TBC1D2B: variants seen among roughly 807,000 people sequenced by gnomAD.
The protein encoded by TBC1D2B is TBC1 domain family, member 2B.
Under a neutral mutation model 100.8 loss-of-function variants are expected in TBC1D2B, and 64 were observed. The ratio of observed to expected loss-of-function variants is 0.64; its 90% confidence interval spans 0.52 to 0.78. The LOEUF (loss-of-function observed/expected upper bound fraction) is 0.78. Among genes scored for constraint, TBC1D2B ranks in the 30% least tolerant of loss-of-function variants. The probability of loss-of-function intolerance (pLI) is 0.00; values close to 1 mark genes in which losing one functional copy is unlikely to be tolerated. For synonymous variants in TBC1D2B, 480 were observed against 479.7 expected, an observed-to-expected ratio of 1.00 and a Z score of -0.01; for missense variants, 1,052 against 1,218.4, an observed-to-expected ratio of 0.86 and a Z score of 2.03.
chr15:78,063,720 C>T (rs755325653), intron 1 of TBC1D2B, among the ~76,000 whole-genome samples: 1 of 152,166 alleles, frequency 6.6e-6, no homozygotes, highest in Non-Finnish European at 1.5e-5. Flanking sequence ...CAACACCACA[C>T]ACAAGCAAAT....
intron 2 of TBC1D2B, among the ~76,000 whole-genome samples, chr15:78,046,354 T>A (rs1425906651): frequency 1.3e-5 from 2 of 152,240 alleles, no homozygotes; most frequent in South Asian, 2.1e-4. Flanking sequence ...TAGGACATGC[T>A]TATAAACAGA....
At position 78,067,129 on chromosome 15, in the gene TBC1D2B, C is replaced by T. The variant is rs1319166425; in HGVS notation, c.360+10164G>A. Among the ~76,000 whole-genome samples the T allele has an allele frequency of 2.0e-5, 3 of 152,178 alleles. 1 individual carries two copies. Among genetic ancestry groups the T allele is most frequent in the Admixed American group, 2.0e-4 (3 of 15,272 alleles). ...TGCTGGGTTTAAAATGGTAAAATAT[C>T]GTTCATGTGTTTGGAGAAGGAGAAG... On this transcript the variant is annotated intron_variant, in intron 1 of 12. Coordinates refer to ENST00000300584, the MANE Select transcript of TBC1D2B (RefSeq NM_144572.2).
At chr15:78,048,158 G>T (rs577107050) in intron 2 of TBC1D2B, among the ~76,000 whole-genome samples, 2 of 152,316 alleles carry the variant, frequency 1.3e-5, no homozygotes, top group African/African-American at 4.8e-5. Flanking sequence ...GAGGCCCCAA[G>T]GAGGGGTGGA....
At chr15:78,023,418 C>T (rs1350632378) in intron 6 of TBC1D2B, among the ~76,000 whole-genome samples, 1 of 152,204 alleles carries the variant, frequency 6.6e-6, no homozygotes, top group Non-Finnish European at 1.5e-5. Context: ...CTCCCTGTGG[C>T]CTCCCCTCTG....
At chr15:78,005,141 G>A (rs2072032601) in intron 10 of TBC1D2B, among the ~76,000 whole-genome samples, 1 of 152,254 alleles carries the variant, frequency 6.6e-6, no homozygotes, top group South Asian at 2.1e-4. Context: ...CTAGGAGGCA[G>A]ACTGTGCCTC....
intron 3 of TBC1D2B, among the ~76,000 whole-genome samples, chr15:78,040,614 A>G (rs12594914): frequency 9.8e-5 from 6 of 61,442 alleles, no homozygotes; most frequent in South Asian, 4.5e-4. Context: ...GTGAGAGAGA[A>G]AGAAAGAGAG....
intron 4 of TBC1D2B, among the ~76,000 whole-genome samples, chr15:78,026,396 CCTCTCTTGCTCTCTTT>C (rs1442284563): frequency 6.6e-6 from 1 of 152,088 alleles, no homozygotes; most frequent in Non-Finnish European, 1.5e-5. Flanking sequence ...TCACCCTTGC[CCTCTCTTGCTCTCTTT>C]CTCTCTTGCC....
At position 78,013,281 on chromosome 15, in the gene TBC1D2B, C is replaced by G. The variant is rs2072283303; in HGVS notation, c.1812G>C (p.Glu604Asp). 6.2e-7 allele frequency: 1 copy of G among 1,613,850 alleles called. No homozygotes were observed. The highest frequency in any genetic ancestry group is 1.3e-5 in the African/African-American group (1 of 75,028). ...YDIYGFRTVP[E>D]DDEEEKLVAK... ...CAACCAATTTCTCTTCCTCATCATC[C>G]TCAGGTACAGTCCTGAACCCATAAA... is the stretch of plus-strand genomic sequence containing the variant. The change falls in exon 9 of 13, where the codon GAG becomes GAC. Residue 604 changes from glutamate to aspartate, a missense_variant. Glu to Asp is a conservative substitution (Grantham distance 45, BLOSUM62 2). This residue lies in a region of TBC1D2B where 373 missense variants were observed against 464.9 expected (regional missense o/e 0.80). Transcript: ENST00000300584.
At chr15:78,018,690 C>A (rs2072439031) in intron 6 of TBC1D2B, among the ~76,000 whole-genome samples, 1 of 152,192 alleles carries the variant, frequency 6.6e-6, no homozygotes, top group African/African-American at 2.4e-5. Flanking sequence ...GTCATATTGG[C>A]TTCAGCCCTT....
chr15:78,025,505 A>G lies in TBC1D2B; in HGVS notation c.848-8T>C. ...ATCCTGAGCCAGTTACTCCTACATA[A>G]AAATAAAACTTGTATTTTATTATTA... On this transcript the variant is annotated splice_polypyrimidine_tract_variant and splice_region_variant and intron_variant, in intron 4 of 12. Coordinates refer to ENST00000300584, the MANE Select transcript of TBC1D2B (RefSeq NM_144572.2). 6.4e-7 allele frequency: 1 copy of G among 1,556,238 alleles called. No individual in the cohort carries two copies. Among genetic ancestry groups the G allele is most frequent in the Non-Finnish European group, 8.7e-7 (1 of 1,148,448 alleles).
At chr15:78,030,256 A>T in intron 3 of TBC1D2B, 86 bp from the exon 4 acceptor site, 2 of 1,168,938 alleles carry the variant, frequency 1.7e-6, no homozygotes, top group Non-Finnish European at 2.4e-6. Flanking sequence ...GCAAAAATTT[A>T]AATATCTAAT....
chr15:78,004,154 G>A (rs375698795), intron 10 of TBC1D2B, among the ~76,000 whole-genome samples: 4 of 152,300 alleles, frequency 2.6e-5, no homozygotes, highest in East Asian at 3.9e-4. Flanking sequence ...ACCTGCGCAC[G>A]ACAGACGAGC....
rs188105271 is a variant in TBC1D2B, at chr15:78,035,262, T to C, written c.684-5092A>G. Among the ~76,000 whole-genome samples the C allele has an allele frequency of 6.6e-5, 10 of 152,318 alleles. No homozygotes were observed. In the East Asian group the frequency reaches 1.5e-3, roughly 23 times the overall value. On this transcript the variant is annotated intron_variant, in intron 3 of 12. Coordinates refer to ENST00000300584, the MANE Select transcript of TBC1D2B (RefSeq NM_144572.2). ...CATCGTTAAGAAAACCTCTTTCCGGTGGAGGTCTGCACAGTTTAAAATGTC... is the reference window on the plus strand; with the variant it reads ...CATCGTTAAGAAAACCTCTTTCCGGCGGAGGTCTGCACAGTTTAAAATGTC...
intron 4 of TBC1D2B, among the ~76,000 whole-genome samples, chr15:78,026,151 G>T (rs1228788936): frequency 3.4e-5 from 5 of 145,524 alleles, no homozygotes; most frequent in African/African-American, 5.1e-5. Context: ...GGTTTTTGTT[G>T]TTTTTTTTTT....
chr15:78,021,936 C>T (rs1216791037), intron 6 of TBC1D2B, among the ~76,000 whole-genome samples: 2 of 152,216 alleles, frequency 1.3e-5, no homozygotes, highest in Admixed American at 6.5e-5. Context: ...TCCACGCACA[C>T]CCTGGCTCGC....
At chr15:78,005,520 G>C (rs2072042746) in intron 10 of TBC1D2B, among the ~76,000 whole-genome samples, 1 of 152,184 alleles carries the variant, frequency 6.6e-6, no homozygotes, top group South Asian at 2.1e-4. Context: ...CCATCGATAA[G>C]TGGGAGGATA....
chr15:78,068,501 A>T (rs2073697433), intron 1 of TBC1D2B, among the ~76,000 whole-genome samples: 1 of 152,136 alleles, frequency 6.6e-6, no homozygotes, highest in Non-Finnish European at 1.5e-5. Flanking sequence ...TGAAAGGCAC[A>T]GTAGTGAAAT....
chr15:78,047,637 A>T (rs1182566374), intron 2 of TBC1D2B, among the ~76,000 whole-genome samples: 2 of 152,230 alleles, frequency 1.3e-5, no homozygotes, highest in Admixed American at 1.3e-4. Flanking sequence ...TAAACAAAAG[A>T]AAAAAAAGTT....
At position 78,009,900 on chromosome 15, in the gene TBC1D2B, G is replaced by A. The variant is rs150903537; in HGVS notation, c.2271-786C>T. Among the ~76,000 whole-genome samples, 703 of 151,712 alleles carry A rather than the reference G, an allele frequency of 4.6e-3. 5 individuals carry two copies. Among genetic ancestry groups the A allele is most frequent in the African/African-American group, 0.016 (651 of 41,332 alleles). The stretch of plus-strand genomic sequence containing the variant: ...TGAGGCAGGAGAATGGCGTGAACCC[G>A]GGAGGCAGAGCTTGCAGTGAGCCGA... On this transcript the variant is annotated intron_variant, in intron 9 of 12. Coordinates refer to ENST00000300584, the MANE Select transcript of TBC1D2B (RefSeq NM_144572.2).
Sources: allele counts gnomAD v4.1 joint callset (sites outside exome capture counted in the v4.1 genomes callset), GRCh38; gene constraint gnomAD v4.1.1; regional missense constraint gnomAD v4.1.1; transcripts MANE v1.5; gene names NCBI Gene and HGNC (gene_info 2026-07-23, HGNC 2026-07-21).